The following GALNTL6 variants were observed in gnomAD, a reference collection of about 807,000 sequenced individuals.
The protein encoded by GALNTL6 is polypeptide N-acetylgalactosaminyltransferase like 6.
In GALNTL6, 46 loss-of-function variants were observed where a neutral mutation model predicts 73.7. The observed-to-expected ratio is 0.62, with a 90% CI of 0.49 to 0.80. The LOEUF is 0.80. GALNTL6 is among the 30% of genes least tolerant of loss of function. The probability of loss-of-function intolerance (pLI) is 0.00; values close to 1 mark genes in which losing one functional copy is unlikely to be tolerated. For synonymous variants in GALNTL6, 259 were observed against 263.7 expected (o/e 0.98, Z 0.17); for missense variants, 604 against 755.0 (o/e 0.80, Z 2.34).
At chr4:171,861,604 G>A (rs906105829) in intron 2 of GALNTL6, among the ~76,000 whole-genome samples, 1 of 151,902 alleles carries the variant, frequency 6.6e-6, no homozygotes, top group Admixed American at 6.6e-5. Flanking sequence ...AAAACTTACC[G>A]CTTCCCCTCT....
intron 5 of GALNTL6, among the ~76,000 whole-genome samples, chr4:172,561,183 G>T (rs1402174518): frequency 6.7e-6 from 1 of 149,538 alleles, no homozygotes; most frequent in Non-Finnish European, 1.5e-5. Context: ...AACCCGGGAA[G>T]CGGAGCTTGC....
intron 8 of GALNTL6, among the ~76,000 whole-genome samples, chr4:172,912,135 A>G (rs1747236021): frequency 6.6e-6 from 1 of 152,220 alleles, no homozygotes; most frequent in East Asian, 1.9e-4. Flanking sequence ...TTTCAAAATA[A>G]AACACCTCTT....
chr4:172,568,715 G>A (rs1166454091), intron 5 of GALNTL6, among the ~76,000 whole-genome samples: 10 of 122,072 alleles, frequency 8.2e-5, no homozygotes, highest in Non-Finnish European at 1.4e-4. Flanking sequence ...CCGAGATTGC[G>A]CCACTGCACT....
At chr4:172,055,724 G>A (rs1422787075) in intron 2 of GALNTL6, among the ~76,000 whole-genome samples, 1 of 152,110 alleles carries the variant, frequency 6.6e-6, no homozygotes, top group Non-Finnish European at 1.5e-5. Context: ...TCTGACACAT[G>A]ACAAAGTAAT....
At chr4:171,959,176 ATTAC>A (rs1739143050) in intron 2 of GALNTL6, among the ~76,000 whole-genome samples, 1 of 152,188 alleles carries the variant, frequency 6.6e-6, no homozygotes, top group Admixed American at 6.6e-5. Context: ...ACATTGTACC[ATTAC>A]AAAATATGTA....
chr4:171,889,305 G>T (rs1736694085), intron 2 of GALNTL6, among the ~76,000 whole-genome samples: 1 of 151,910 alleles, frequency 6.6e-6, no homozygotes, highest in Non-Finnish European at 1.5e-5. Flanking sequence ...AATATATTTT[G>T]CTGATAAACA....
chr4:172,597,645 C>T (rs887026716), intron 5 of GALNTL6, among the ~76,000 whole-genome samples: 1 of 152,086 alleles, frequency 6.6e-6, no homozygotes, highest in African/African-American at 2.4e-5. Context: ...ACTGACATTC[C>T]ATATCCTTAG....
At chr4:172,543,093 C>T (rs532199573) in intron 5 of GALNTL6, among the ~76,000 whole-genome samples, 2 of 19,244 alleles carry the variant, frequency 1.0e-4, no homozygotes, top group East Asian at 0.017. Flanking sequence ...GAGACTCCAT[C>T]GCAAAAGAAA....
intron 5 of GALNTL6, among the ~76,000 whole-genome samples, chr4:172,767,658 ATTTTTTTTCTT>A (rs1358925467): frequency 1.9e-5 from 2 of 106,450 alleles, no homozygotes; most frequent in African/African-American, 3.6e-5. Context: ...TCAAGAACTG[ATTTTTTTTCTT>A]TTTTTTTTTT....
intron 2 of GALNTL6, among the ~76,000 whole-genome samples, chr4:172,181,286 C>G (rs1164228392): frequency 6.6e-6 from 1 of 152,162 alleles, no homozygotes; most frequent in Non-Finnish European, 1.5e-5. Context: ...AAGTCGGCTT[C>G]ATCCCTGGGA....
intron 2 of GALNTL6, among the ~76,000 whole-genome samples, chr4:172,223,506 T>C (rs1372164768): frequency 6.6e-6 from 1 of 152,120 alleles, no homozygotes; most frequent in Non-Finnish European, 1.5e-5. Flanking sequence ...GACTTCCTTT[T>C]GCTCAGTGCA....
At chr4:171,851,359 A>G (rs182622591) in intron 2 of GALNTL6, among the ~76,000 whole-genome samples, 257 of 152,302 alleles carry the variant, frequency 1.7e-3, no homozygotes, top group African/African-American at 5.7e-3. Flanking sequence ...AATTGCTTTA[A>G]AAAAATTATA....
chr4:171,823,530 A>G (rs510024), intron 2 of GALNTL6, among the ~76,000 whole-genome samples: 105,046 of 151,268 alleles, frequency 0.69, 38,725 homozygotes, highest in Admixed American at 0.83. Flanking sequence ...GTAATTAAAA[A>G]TTTCTGAAAT....
chr4:172,052,467 G>A (rs1730903616), intron 2 of GALNTL6: 1 of 1,535,154 alleles, frequency 6.5e-7, no homozygotes. Flanking sequence ...TTCAGAGCCG[G>A]AGCTGGCCAC....
intron 2 of GALNTL6, among the ~76,000 whole-genome samples, chr4:172,197,177 C>A (rs28752256): frequency 0.011 from 1,606 of 151,780 alleles, 27 homozygotes; most frequent in African/African-American, 0.037. Context: ...CATGAATGAA[C>A]TTTCATGTAC....
Position 172,647,862 on chromosome 4 carries a change from C to T in GALNTL6, c.554-161499C>T, listed in dbSNP as rs375282196. ...GTAATGCATTGATTAAGGGTAATAACAGTGGAAACAGCCACAATACTGTCA... is the reference window on the plus strand; with the variant it reads ...GTAATGCATTGATTAAGGGTAATAATAGTGGAAACAGCCACAATACTGTCA... On this transcript the variant is annotated intron_variant, in intron 5 of 12. Coordinates refer to ENST00000506823, the MANE Select transcript of GALNTL6 (RefSeq NM_001034845.3). Among the ~76,000 whole-genome samples, 85 of 152,198 alleles carry T rather than the reference C, an allele frequency of 5.6e-4. No individual in the cohort carries two copies. In the South Asian group the frequency reaches 5.8e-3, roughly 10 times the overall value.
chr4:172,494,497 T>C (rs956521664), intron 5 of GALNTL6, among the ~76,000 whole-genome samples: 1 of 152,142 alleles, frequency 6.6e-6, no homozygotes, highest in Non-Finnish European at 1.5e-5. Flanking sequence ...GATAGATGAA[T>C]ATATGAAGGG....
intron 3 of GALNTL6, among the ~76,000 whole-genome samples, chr4:172,306,247 G>A (rs1291633112): frequency 5.9e-5 from 9 of 152,044 alleles, no homozygotes; most frequent in African/African-American, 2.2e-4. Context: ...AAATTAGCTG[G>A]GCATGGTGGC....
intron 10 of GALNTL6, among the ~76,000 whole-genome samples, chr4:172,959,766 A>G (rs1561056762): frequency 6.6e-6 from 1 of 152,166 alleles, no homozygotes; most frequent in Non-Finnish European, 1.5e-5. Flanking sequence ...CAGATGGGAC[A>G]TGGCTTAGGA....
Sources: gnomAD v4.1 joint callset for allele counts (sites outside exome capture counted in the v4.1 genomes callset) on GRCh38, gnomAD v4.1.1 for gene constraint, MANE v1.5 for transcripts, NCBI Gene and HGNC (gene_info 2026-07-23, HGNC 2026-07-21) for gene names.